The following KDM2A variants were observed in gnomAD, a reference collection of about 807,000 sequenced individuals.
KDM2A encodes lysine demethylase 2A.
A neutral mutation model predicts 137.3 loss-of-function variants in KDM2A; 3 were observed. The observed-to-expected ratio is 0.02, with a 90% CI of 0.01 to 0.06. KDM2A has a LOEUF of 0.06. KDM2A is among the 10% of genes least tolerant of loss of function. The probability of loss-of-function intolerance (pLI) is 1.00; values close to 1 mark genes in which losing one functional copy is unlikely to be tolerated. For missense variants in KDM2A, 738 were observed against 1,510.6 expected (o/e 0.49, Z 8.48); for synonymous variants, 512 against 541.5 (o/e 0.95, Z 0.76).
chr11:67,236,637 A>G (rs1242605124), intron 12 of KDM2A, among the ~76,000 whole-genome samples: 1 of 152,186 alleles, frequency 6.6e-6, no homozygotes, highest in Non-Finnish European at 1.5e-5. Context: ...CCTGCCAATC[A>G]TACTTTGTGA....
At chr11:67,161,891 A>G (rs1193827205) in intron 2 of KDM2A, among the ~76,000 whole-genome samples, 4 of 152,058 alleles carry the variant, frequency 2.6e-5, no homozygotes, top group African/African-American at 9.7e-5. Context: ...TATATTCTTT[A>G]TTTTCTAGAG....
In KDM2A at chr11:67,119,412, T is replaced by TA. The variant is rs1384471491; in HGVS notation, c.-721_-720insA. 1.3e-5 allele frequency: 2 copies of TA among 156,502 alleles called. No individual in the cohort carries two copies. The highest frequency in any genetic ancestry group is 4.8e-5 in the African/African-American group (2 of 41,440). 9.7% of individuals were successfully genotyped at this position (156,502 alleles called of 1,614,324 possible). A position where few individuals can be genotyped will look rare whatever the true frequency, so the allele number is the denominator to read the frequency against. ...GGCTGGGCCCGTGGCCGCTCTGTCT[T>TA]TCCTGGGCAGGGGACGCTCCGGGAG... On this transcript the variant is annotated 5_prime_UTR_variant, in exon 1 of 21. Coordinates refer to ENST00000529006, the MANE Select transcript of KDM2A (RefSeq NM_012308.3).
At chr11:67,120,800 C>T (rs1268478025) in intron 1 of KDM2A, among the ~76,000 whole-genome samples, 1 of 152,082 alleles carries the variant, frequency 6.6e-6, no homozygotes, top group African/African-American at 2.4e-5. Context: ...AGTCAGTTTG[C>T]CCTTCTTTCC....
At chr11:67,153,447 G>A (rs1257835904) in intron 2 of KDM2A, among the ~76,000 whole-genome samples, 2 of 152,076 alleles carry the variant, frequency 1.3e-5, no homozygotes, top group African/African-American at 2.4e-5. Flanking sequence ...ATCAAACTTT[G>A]TATTCAGCTA....
intron 2 of KDM2A, among the ~76,000 whole-genome samples, chr11:67,168,782 A>G (rs1027439970): frequency 2.0e-5 from 3 of 152,046 alleles, no homozygotes; most frequent in Non-Finnish European, 4.4e-5. Context: ...CAGCGTTTTA[A>G]AGTTCAGTTG....
At chr11:67,159,169 TC>T (rs1856583397) in intron 2 of KDM2A, among the ~76,000 whole-genome samples, 1 of 152,202 alleles carries the variant, frequency 6.6e-6, no homozygotes, top group African/African-American at 2.4e-5. Context: ...AGGCCTATGA[TC>T]TTTTTTGAGT....
intron 2 of KDM2A, among the ~76,000 whole-genome samples, chr11:67,146,684 A>G (rs1447635841): frequency 6.6e-6 from 1 of 151,924 alleles, no homozygotes; most frequent in Middle Eastern, 3.2e-3. Context: ...AATTTTTTGT[A>G]ATTTTTGTTG....
chr11:67,158,965 T>C (rs1856578995), intron 2 of KDM2A, among the ~76,000 whole-genome samples: 1 of 152,252 alleles, frequency 6.6e-6, no homozygotes, highest in South Asian at 2.1e-4. Flanking sequence ...AGTGAGTGGC[T>C]TGTCTTTTCA....
intron 6 of KDM2A, among the ~76,000 whole-genome samples, chr11:67,208,858 T>C (rs1418152706): frequency 4.6e-5 from 7 of 151,938 alleles, no homozygotes; most frequent in Non-Finnish European, 1.0e-4. Flanking sequence ...ACAGGAGAAT[T>C]GCTTGAGGCC....
At chr11:67,195,384 A>AAAG (rs1565398294) in intron 5 of KDM2A, among the ~76,000 whole-genome samples, 1 of 151,498 alleles carries the variant, frequency 6.6e-6, no homozygotes, top group Non-Finnish European at 1.5e-5. Context: ...AAAAAAAAAA[A>AAAG]AAAAAAAAAA....
chr11:67,211,880 A>G (rs1358150837), intron 6 of KDM2A, among the ~76,000 whole-genome samples: 1 of 152,118 alleles, frequency 6.6e-6, no homozygotes, highest in African/African-American at 2.4e-5. Context: ...GATGCCTACC[A>G]CATGCTAAGC....
intron 2 of KDM2A, among the ~76,000 whole-genome samples, chr11:67,169,604 G>A (rs538006472): frequency 6.6e-6 from 1 of 151,450 alleles, no homozygotes; most frequent in Non-Finnish European, 1.5e-5. Flanking sequence ...TTGAACTCCT[G>A]ACCTTAGGTG....
intron 2 of KDM2A, among the ~76,000 whole-genome samples, chr11:67,122,071 A>G (rs530722288): frequency 1.3e-5 from 2 of 152,330 alleles, no homozygotes; most frequent in Non-Finnish European, 2.9e-5. Flanking sequence ...TTTCTTAGCC[A>G]AAGAGAGCTT....
At chr11:67,230,303 A>G (rs533778753) in intron 11 of KDM2A, among the ~76,000 whole-genome samples, 1 of 152,280 alleles carries the variant, frequency 6.6e-6, no homozygotes, top group Admixed American at 6.5e-5. Context: ...TAGGCAACAT[A>G]GTGACACCCC....
rs766355186 is a variant in KDM2A, at chr11:67,245,321, C to A, written c.1696C>A (p.Arg566=). ...CTCCCCGATTGTGTCAGGAGCCAGA[C>A]GGAGACGAGTGCGATGTCGAAAATG... ...AASPIVSGAR[R]RRVRCRKCKA... The change falls in exon 14 of 21, where the codon CGG becomes AGG. Residue 566 remains arginine, a synonymous_variant. Transcript: ENST00000529006. The surrounding 1 kb of genome is among the most constrained non-coding windows in gnomAD (Gnocchi z 4.1). 1.2e-6 allele frequency: 2 copies of A among 1,614,044 alleles called. No homozygotes were observed. The highest frequency in any genetic ancestry group is 1.7e-6 in the Non-Finnish European group (2 of 1,179,898).
At chr11:67,213,905 C>T (rs183214857) in intron 6 of KDM2A, among the ~76,000 whole-genome samples, 4 of 152,152 alleles carry the variant, frequency 2.6e-5, no homozygotes, top group Admixed American at 2.0e-4. Context: ...TGCCCTGTTG[C>T]CCAAGCTGGA....
In KDM2A at chr11:67,221,340, A is replaced by G. The variant is rs183777012; in HGVS notation, c.957+1937A>G. On this transcript the variant is annotated intron_variant, in intron 10 of 20. Coordinates refer to ENST00000529006, the MANE Select transcript of KDM2A (RefSeq NM_012308.3). ...GTTGGAGAATTGCAGAGAAGAGTGT[A>G]GAACTATTAATGCTACTGCTCTTGA... 6.0e-3 allele frequency among the ~76,000 whole-genome samples: 907 copies of G among 152,384 alleles called. 3 individuals carry two copies. Among genetic ancestry groups the G allele is most frequent in the Non-Finnish European group, 9.8e-3 (666 of 68,036 alleles).
chr11:67,248,508 T>C lies in KDM2A; in HGVS notation c.2055+138T>C, dbSNP rs188949882. 29 of 607,204 alleles carry C rather than the reference T, an allele frequency of 4.8e-5. No homozygotes were observed. The East Asian group carries it at 8.5e-4, about 18-fold the overall frequency. The allele number at this position is 607,204 out of a possible 1,614,324, so 37.6% of individuals were successfully genotyped here. A position where few individuals can be genotyped will look rare whatever the true frequency, so the allele number is the denominator to read the frequency against. On this transcript the variant is annotated intron_variant, in intron 16 of 20. Coordinates refer to ENST00000529006, the MANE Select transcript of KDM2A (RefSeq NM_012308.3). Reference sequence around the variant, plus strand: ...ATTATTTTTGTTTGGTTTGGTATGTTTTTCCTTTGGTTAATTTTTAGTATT... The same window carrying C: ...ATTATTTTTGTTTGGTTTGGTATGTCTTTCCTTTGGTTAATTTTTAGTATT...
rs1384594422 is a variant in KDM2A, at chr11:67,155,588, G to A, written c.43-24491G>A. Among the ~76,000 whole-genome samples the A allele has an allele frequency of 1.3e-4, 20 of 152,044 alleles. 2 individuals are homozygous for A. The South Asian group carries it at 4.2e-3, about 32-fold the overall frequency. On this transcript the variant is annotated intron_variant, in intron 2 of 20. Coordinates refer to ENST00000529006, the MANE Select transcript of KDM2A (RefSeq NM_012308.3). Reference sequence around the variant, plus strand: ...CAGGTTGCTGGGATTACAGGAGTGAGCCACTGCACTGGCTTGGTTTTTATT... The same window carrying A: ...CAGGTTGCTGGGATTACAGGAGTGAACCACTGCACTGGCTTGGTTTTTATT...
Sources: allele counts gnomAD v4.1 joint callset (sites outside exome capture counted in the v4.1 genomes callset), GRCh38; gene constraint gnomAD v4.1.1; non-coding constraint Gnocchi (gnomAD v3.1); transcripts MANE v1.5; gene names NCBI Gene and HGNC (gene_info 2026-07-23, HGNC 2026-07-21).